The following VPS9D1 variants were observed in gnomAD, a reference collection of about 807,000 sequenced individuals.
VPS9D1 encodes VPS9 domain containing 1.
In VPS9D1, 78 loss-of-function variants were observed where a neutral mutation model predicts 75.8. The ratio of observed to expected loss-of-function variants is 1.03; its 90% CI spans 0.86 to 1.24. The LOEUF is 1.24. Ranked by LOEUF, VPS9D1 falls within the 50% of genes most tolerant of loss-of-function variation. VPS9D1 has a pLI of 0.00. For missense variants in VPS9D1, 1,057 were observed against 847.7 expected, an observed-to-expected ratio of 1.25 and a Z score of -3.07; for synonymous variants, 481 against 385.6, an observed-to-expected ratio of 1.25 and a Z score of -2.90.
chr16:89,708,776 G>A, intron 13 of VPS9D1, 81 bp downstream of exon 13: 4 of 1,377,304 alleles, frequency 2.9e-6, no homozygotes, highest in Admixed American at 2.7e-5. Flanking sequence ...AGGCTAAGGG[G>A]CAGGAAGATA....
At chr16:89,711,247 C>G (rs1004903564) in intron 9 of VPS9D1, 80 bp downstream of exon 9, 1 of 1,456,538 alleles carries the variant, frequency 6.9e-7, no homozygotes, top group East Asian at 2.5e-5. Flanking sequence ...TCAGTCCAGC[C>G]CCTCTCCGGC....
intron 2 of VPS9D1, chr16:89,717,599 C>A (rs1459619116): frequency 2.2e-6 from 1 of 456,430 alleles, no homozygotes; most frequent in East Asian, 7.0e-5. Flanking sequence ...CTCATAGACT[C>A]CCATTTTCTC....
chr16:89,712,205 G>T, intron 6 of VPS9D1, 106 bp from the exon 7 acceptor site: 1 of 1,485,716 alleles, frequency 6.7e-7, no homozygotes. Flanking sequence ...CCTCCTCTCG[G>T]TGAGGGGCTG....
At chr16:89,711,802 CG>C (rs34149375) in intron 8 of VPS9D1, 79 bp downstream of exon 8, 83 of 1,478,208 alleles carry the variant, frequency 5.6e-5, no homozygotes, top group East Asian at 7.5e-5. Context: ...CCGCCCCCCA[CG>C]GGGGCCCACC....
At position 89,709,792 on chromosome 16, in the gene VPS9D1, A is replaced by G. The variant is rs2060873428; in HGVS notation, c.1373T>C (p.Leu458Pro). Residue 458 changes from leucine to proline, a missense_variant, in exon 11 of 15, where the codon CTG (leucine) becomes CCG (proline). Leu to Pro is a moderately conservative substitution (Grantham distance 98, BLOSUM62 -3). Transcript: ENST00000389386. ...EPFFSPLWPL[L>P]LALYRSVHRA... ...GGGTCCATACCTGTACAGGGCCAGC[A>G]GCAGAGGCCACAGCGGGGAGAAAAA... is the stretch of plus-strand genomic sequence containing the variant. 1 of 1,613,806 alleles carries G rather than the reference A, an allele frequency of 6.2e-7. No homozygotes were observed. The highest frequency in any genetic ancestry group is 8.5e-7 in the Non-Finnish European group (1 of 1,179,956).
At position 89,709,835 on chromosome 16, in the gene VPS9D1, C is replaced by T. The variant is rs1317325320; in HGVS notation, c.1330G>A (p.Ala444Thr). The T allele has an allele frequency of 1.9e-6, 3 of 1,613,812 alleles. No homozygotes were observed. Among genetic ancestry groups the T allele is most frequent in the Non-Finnish European group, 2.5e-6 (3 of 1,179,918 alleles). Residue 444 changes from alanine (A) to threonine (T), a missense_variant, in exon 11 of 15, where the codon GCC becomes ACC. Coordinates refer to ENST00000389386, the MANE Select transcript of VPS9D1 (RefSeq NM_004913.3). ...GAGAAAAAGGGTTCCTCAATGCAGG[C>T]CAGGCAGCGGTCCTTGGAGGCAGCT... ...NTAASKDRCL[A>T]CIEEPFFSPL...
chr16:89,719,203 A>C, intron 1 of VPS9D1, 101 bp from the exon 2 acceptor site: 2 of 1,080,030 alleles, frequency 1.9e-6, no homozygotes, highest in Admixed American at 1.7e-5. Context: ...GAACACCACC[A>C]CCTGCTTATC....
rs1220059871 is a variant in VPS9D1, at chr16:89,710,830, G to C, written c.1014C>G (p.Pro338=). 6.5e-7 allele frequency: 1 copy of C among 1,530,186 alleles called. No individual in the cohort carries two copies. The highest frequency in any genetic ancestry group is 8.8e-7 in the Non-Finnish European group (1 of 1,134,502). 94.8% of individuals were successfully genotyped at this position (1,530,186 alleles called of 1,614,324 possible). ...GGGGCCGCGGGGCTGCGCTGGGCTCGGGCGGGGACAGCATGCAATGGAGGC... is the reference window on the plus strand; with the variant it reads ...GGGGCCGCGGGGCTGCGCTGGGCTCCGGCGGGGACAGCATGCAATGGAGGC... The part of the protein sequence containing the change: ...SQSLHCMLSP[P]EPSAAPRPQD... The change falls in exon 10 of 15, where the codon CCC becomes CCG. Residue 338 remains proline (P), a synonymous_variant. Transcript: ENST00000389386.
chr16:89,711,640 G>T (rs1016919147), intron 8 of VPS9D1: 1 of 657,336 alleles, frequency 1.5e-6, no homozygotes. Context: ...TCCTCGCAGG[G>T]ACCCTCCCTC....
chr16:89,717,350 G>A (rs2061098538), intron 2 of VPS9D1: 1 of 353,584 alleles, frequency 2.8e-6, no homozygotes. Context: ...GCAGGCCTCT[G>A]GGAAGTGGCC....
chr16:89,720,498 C>G, intron 1 of VPS9D1: 2 of 1,131,002 alleles, frequency 1.8e-6, no homozygotes, highest in Non-Finnish European at 2.2e-6. Flanking sequence ...GCTACATCTC[C>G]TCTACAGGTG....
At chr16:89,712,009 C>G (rs1296842096) in intron 7 of VPS9D1, 38 bp downstream of exon 7, 10 of 1,549,266 alleles carry the variant, frequency 6.5e-6, no homozygotes, top group African/African-American at 1.4e-5. Context: ...GGGCCAGGCC[C>G]TCCCCGCAGC....
In VPS9D1 at chr16:89,716,624, C is replaced by A. The variant is rs1375300406; in HGVS notation, c.269G>T (p.Gly90Val). Residue 90 changes from glycine (G) to valine (V), a missense_variant and splice_region_variant, in exon 4 of 15, where the codon GGG (glycine) becomes GTG (valine). Transcript: ENST00000389386. ...CATGGTTGGCTTCAGGCGTGTTTTC[C>A]CTGCAAGCCATGGGTAACCAGGGGT... The part of the protein sequence containing the change: ...ERAQSTAAKL[G>V]KTRLKPTMPA... The A allele has an allele frequency of 1.2e-6, 2 of 1,612,680 alleles. No homozygotes were observed. The highest frequency in any genetic ancestry group is 1.1e-5 in the South Asian group (1 of 91,052).
At position 89,716,832 on chromosome 16, in the gene VPS9D1, G is replaced by A. The variant is rs774918264; in HGVS notation, c.176-10C>T. 9 of 1,583,114 alleles carry A rather than the reference G, an allele frequency of 5.7e-6. No homozygotes were observed. The highest frequency in any genetic ancestry group is 1.7e-6 in the Non-Finnish European group (2 of 1,170,182). On this transcript the variant is annotated splice_polypyrimidine_tract_variant and intron_variant, in intron 2 of 14. Coordinates refer to ENST00000389386, the MANE Select transcript of VPS9D1 (RefSeq NM_004913.3). ...ACAGTTTCCCCAGCTTCTGGGGGAG[G>A]GACAAGAAGGCTGGTCACAGTCGGC...
chr16:89,711,598 C>T, intron 8 of VPS9D1, 186 bp from the exon 9 acceptor site: 2 of 631,800 alleles, frequency 3.2e-6, no homozygotes, highest in African/African-American at 2.1e-5. Context: ...CTTAGGCGAA[C>T]CCTGGGCCTG....
chr16:89,717,591 CAT>C, intron 2 of VPS9D1: 2 of 456,506 alleles, frequency 4.4e-6, no homozygotes, highest in Non-Finnish European at 8.8e-6. Context: ...GAAAACTTCT[CAT>C]AGACTCCCAT....
intron 12 of VPS9D1, 64 bp from the exon 13 acceptor site, chr16:89,709,020 A>ACCCCGGCCCCCCCCCCCCCCCCCCC: frequency 1.6e-6 from 2 of 1,277,898 alleles, no homozygotes; most frequent in Non-Finnish European, 2.1e-6. Context: ...CACCCCTTAT[A>ACCCCGGCCCCCCCCCCCCCCCCCCC]CCCCGCCCAC....
In VPS9D1 at chr16:89,710,666, T is replaced by G; in HGVS notation, c.1178A>C (p.Gln393Pro). 1.2e-6 allele frequency: 2 copies of G among 1,612,142 alleles called. No individual in the cohort carries two copies. Among genetic ancestry groups the G allele is most frequent in the Non-Finnish European group, 1.7e-6 (2 of 1,179,650 alleles). The change falls in exon 10 of 15, where the codon CAG becomes CCG. Residue 393 changes from glutamine (Q) to proline (P), a missense_variant. Transcript: ENST00000389386. ...CGGCTGTACCCCACGGCCCCGGCCC[T>G]GCCGCTCAGACGTCCCCAGGAACTG... ...LEQFLGTSER[Q>P]GRGRGVQPEP...
chr16:89,708,300 G>A (rs1045423405), intron 14 of VPS9D1, 127 bp downstream of exon 14: 4 of 935,428 alleles, frequency 4.3e-6, no homozygotes, highest in African/African-American at 1.6e-5. Context: ...GGGGCTGCCC[G>A]AAGGCATGGC....
Sources: gnomAD v4.1 joint callset for allele counts on GRCh38, gnomAD v4.1.1 for gene constraint, MANE v1.5 for transcripts, NCBI Gene and HGNC (gene_info 2026-07-23, HGNC 2026-07-21) for gene names.